The following VEPH1 variants were observed in gnomAD, a reference collection of about 807,000 sequenced individuals.
VEPH1 encodes the protein ventricular zone-expressed PH domain-containing protein homolog 1.
A neutral mutation model predicts 85.2 loss-of-function variants in VEPH1; 80 were observed. The observed-to-expected ratio is 0.94, with a 90% CI of 0.78 to 1.13. The LOEUF is 1.13. Among genes scored for constraint, VEPH1 ranks in the 50% most tolerant of loss-of-function variants. The pLI is 0.00. For missense variants in VEPH1, 955 were observed against 980.5 expected (o/e 0.97, Z 0.35); for synonymous variants, 297 against 348.0 (o/e 0.85, Z 1.63).
At chr3:157,498,602 G>A (rs1310713511) in intron 1 of VEPH1, among the ~76,000 whole-genome samples, 1 of 127,520 alleles carries the variant, frequency 7.8e-6, no homozygotes, top group African/African-American at 2.5e-5. Context: ...ATGACTGTGT[G>A]AGATAATTAT....
intron 1 of VEPH1, among the ~76,000 whole-genome samples, chr3:157,495,752 C>T (rs999572069): frequency 6.6e-6 from 1 of 152,208 alleles, no homozygotes; most frequent in Non-Finnish European, 1.5e-5. Flanking sequence ...ATGAGCCCTA[C>T]GCTTTTCTCC....
At chr3:157,304,038 T>TATATATATACAC in intron 11 of VEPH1, among the ~76,000 whole-genome samples, 1 of 96,896 alleles carries the variant, frequency 1.0e-5, no homozygotes, top group African/African-American at 3.1e-5. Flanking sequence ...TATATATATA[T>TATATATATACAC]ACACACATAC....
At chr3:157,348,434 T>C (rs192413541) in intron 9 of VEPH1, among the ~76,000 whole-genome samples, 14 of 152,314 alleles carry the variant, frequency 9.2e-5, no homozygotes, top group Admixed American at 8.5e-4. Context: ...TTCTTTTTGA[T>C]AATAGCCACT....
In VEPH1 at chr3:157,260,172, T is replaced by G. The variant is rs767639404; in HGVS notation, c.*962A>C. 3 of 152,188 alleles carry G rather than the reference T, an allele frequency of 2.0e-5. No individual in the cohort carries two copies. The highest frequency in any genetic ancestry group is 2.9e-5 in the Non-Finnish European group (2 of 68,024). The allele number at this position is 152,188 out of a possible 1,614,324, so 9.4% of individuals were successfully genotyped here. On this transcript the variant is annotated 3_prime_UTR_variant, in exon 14 of 14. Coordinates refer to ENST00000362010, the MANE Select transcript of VEPH1 (RefSeq NM_001167912.2). ...TGATCCCATCACTTTTGCCATATTC[T>G]GTTGGTTAGAAGCAGGTTACATGTC... is the stretch of plus-strand genomic sequence containing the variant.
intron 9 of VEPH1, among the ~76,000 whole-genome samples, chr3:157,356,911 C>G (rs1318138705): frequency 6.6e-6 from 1 of 152,160 alleles, no homozygotes; most frequent in Non-Finnish European, 1.5e-5. Flanking sequence ...GGAGTAAAGA[C>G]AGTCCCCAAA....
intron 7 of VEPH1, among the ~76,000 whole-genome samples, chr3:157,372,713 A>AT (rs374280561): frequency 4.5e-4 from 68 of 150,686 alleles, no homozygotes; most frequent in African/African-American, 8.5e-4. Context: ...GTAAAGAACT[A>AT]TTTTTTTTTT....
chr3:157,400,698 TAA>T (rs1172318328), intron 6 of VEPH1, among the ~76,000 whole-genome samples: 3 of 152,162 alleles, frequency 2.0e-5, no homozygotes, highest in Non-Finnish European at 2.9e-5. Context: ...CCATTTGTGC[TAA>T]GAGTTTATTT....
At chr3:157,367,137 TAA>T (rs1299120857) in intron 7 of VEPH1, among the ~76,000 whole-genome samples, 3 of 152,252 alleles carry the variant, frequency 2.0e-5, no homozygotes, top group Non-Finnish European at 4.4e-5. Flanking sequence ...CATAATTTTA[TAA>T]GTTTTCTATG....
At position 157,450,535 on chromosome 3, in the gene VEPH1, G is replaced by C. The variant is rs566178510; in HGVS notation, c.529+9646C>G. Among the ~76,000 whole-genome samples the C allele has an allele frequency of 6.6e-5, 10 of 151,302 alleles. No homozygotes were observed. In the South Asian group the frequency reaches 2.1e-3, roughly 32 times the overall value. On this transcript the variant is annotated intron_variant, in intron 4 of 13. Transcript: ENST00000362010. ...CCTCATCTCATTCCTGACTTTAAAT[G>C]AATGCTTCTACTGTTCCACTATATG...
chr3:157,403,722 T>C (rs1001042797), intron 6 of VEPH1, among the ~76,000 whole-genome samples: 1 of 152,082 alleles, frequency 6.6e-6, no homozygotes. Context: ...ATTATGACTG[T>C]TAAAGGTTAC....
At chr3:157,298,321 A>G (rs913057772) in intron 11 of VEPH1, among the ~76,000 whole-genome samples, 1 of 152,132 alleles carries the variant, frequency 6.6e-6, no homozygotes, top group Non-Finnish European at 1.5e-5. Flanking sequence ...ATGTCACTCA[A>G]ACTAAGTCAG....
intron 12 of VEPH1, among the ~76,000 whole-genome samples, chr3:157,280,743 T>G (rs1003469297): frequency 6.6e-6 from 1 of 152,352 alleles, no homozygotes; most frequent in South Asian, 2.1e-4. Context: ...GTTTTTAATT[T>G]TGAGAAAGAG....
chr3:157,284,668 G>GA lies in VEPH1; in HGVS notation c.2128+1888dup, dbSNP rs71760872. On this transcript the variant is annotated intron_variant, in intron 12 of 13. Transcript: ENST00000362010. ...TATCCAGGGAGTCAAGGGTTTTGGT[G>GA]AAAAAAAAAAAAAACAGTTTAAAAT... 1.4e-3 allele frequency among the ~76,000 whole-genome samples: 193 copies of GA among 142,120 alleles called. No individual in the cohort carries two copies. In the Middle Eastern group the frequency reaches 0.019, roughly 14 times the overall value. The allele number at this position is 142,120 out of a possible 152,430, so 93.2% of individuals were successfully genotyped here.
In VEPH1 at chr3:157,282,145, T is replaced by C. The variant is rs74541229; in HGVS notation, c.2128+4412A>G. ...TTGCCCATGTATTCATAATCTAATA[T>C]AATATAATAAATAGCACATTCTTTT... On this transcript the variant is annotated intron_variant, in intron 12 of 13. Coordinates refer to ENST00000362010, the MANE Select transcript of VEPH1 (RefSeq NM_001167912.2). Among the ~76,000 whole-genome samples, 853 of 152,310 alleles carry C rather than the reference T, an allele frequency of 5.6e-3. 15 individuals are homozygous for C. Among genetic ancestry groups the C allele is most frequent in the African/African-American group, 0.019 (802 of 41,554 alleles).
At chr3:157,327,546 C>T (rs983578831) in intron 9 of VEPH1, among the ~76,000 whole-genome samples, 6 of 152,030 alleles carry the variant, frequency 3.9e-5, no homozygotes, top group African/African-American at 1.4e-4. Context: ...GTGAAGAAGA[C>T]GACTCAGGTG....
intron 11 of VEPH1, among the ~76,000 whole-genome samples, chr3:157,304,772 T>C (rs1719274334): frequency 6.6e-6 from 1 of 152,140 alleles, no homozygotes; most frequent in South Asian, 2.1e-4. Flanking sequence ...AAGAAATATA[T>C]AGAGAAAAGA....
chr3:157,268,924 AT>A (rs34199228), intron 12 of VEPH1, among the ~76,000 whole-genome samples: 12,667 of 152,006 alleles, frequency 0.083, 714 homozygotes, highest in African/African-American at 0.14. Context: ...ATTTTTTAAT[AT>A]TTTTTTGTAT....
chr3:157,334,691 A>G (rs752145465), intron 9 of VEPH1, among the ~76,000 whole-genome samples: 8 of 152,266 alleles, frequency 5.3e-5, no homozygotes, highest in African/African-American at 1.9e-4. Context: ...ATTTAAAAAG[A>G]GCAATCCATG....
intron 9 of VEPH1, among the ~76,000 whole-genome samples, chr3:157,351,565 T>C (rs560973440): frequency 6.6e-6 from 1 of 152,138 alleles, no homozygotes; most frequent in South Asian, 2.1e-4. Context: ...TTGTCTTTTC[T>C]CTACTACTAG....
Sources: gnomAD v4.1 joint callset for allele counts (sites outside exome capture counted in the v4.1 genomes callset) on GRCh38, gnomAD v4.1.1 for gene constraint, MANE v1.5 for transcripts, NCBI Gene and HGNC (gene_info 2026-07-23, HGNC 2026-07-21) for gene names.